PCBP3: variants seen among roughly 807,000 people sequenced by gnomAD.
The protein encoded by PCBP3 is poly(rC)-binding protein 3.
PCBP3 carries 25 observed loss-of-function variants against 52.7 expected under a neutral mutation model. The ratio of observed to expected loss-of-function variants is 0.47; its 90% CI spans 0.35 to 0.66. The LOEUF (loss-of-function observed/expected upper bound fraction) is 0.66. Among genes scored for constraint, PCBP3 ranks in the 30% least tolerant of loss-of-function variants. The pLI is 0.01. For synonymous variants in PCBP3, 162 were observed against 183.0 expected, an observed-to-expected ratio of 0.89 and a Z score of 0.93; for missense variants, 391 against 490.3, an observed-to-expected ratio of 0.80 and a Z score of 1.91.
At chr21:45,685,462 A>G (rs1168831800) in intron 2 of PCBP3, among the ~76,000 whole-genome samples, 1 of 152,014 alleles carries the variant, frequency 6.6e-6, no homozygotes, top group Non-Finnish European at 1.5e-5. Flanking sequence ...AAGGAAGGAG[A>G]CCTTTGCCTC....
chr21:45,747,346 G>A (rs2086994598), intron 3 of PCBP3, among the ~76,000 whole-genome samples: 1 of 152,200 alleles, frequency 6.6e-6, no homozygotes, highest in Non-Finnish European at 1.5e-5. Flanking sequence ...AATGAGATTT[G>A]GGTGCAGACA....
At chr21:45,665,888 C>T (rs557054949) in intron 1 of PCBP3, among the ~76,000 whole-genome samples, 6 of 152,174 alleles carry the variant, frequency 3.9e-5, no homozygotes, top group African/African-American at 1.2e-4. Context: ...TACTAGCAAT[C>T]GAAATCCAAC....
chr21:45,865,446 G>T (rs542153496), intron 5 of PCBP3, among the ~76,000 whole-genome samples: 98 of 152,372 alleles, frequency 6.4e-4, no homozygotes, highest in African/African-American at 2.2e-3. Flanking sequence ...AGATATCGCT[G>T]TTCCTGCAGA....
chr21:45,941,776 T>C lies in PCBP3; in HGVS notation c.*70T>C. ...TAAGGCCCCCGGCTCTCGCACTCTG[T>C]ACAGCCCACCTTCCCTGCCTCACAG... On this transcript the variant is annotated 3_prime_UTR_variant, in exon 18 of 18. Transcript: ENST00000681687. The C allele has an allele frequency of 8.0e-7, 1 of 1,254,712 alleles. No individual in the cohort carries two copies. 77.7% of individuals were successfully genotyped at this position (1,254,712 alleles called of 1,614,324 possible). A position where few individuals can be genotyped will look rare whatever the true frequency, so the allele number is the denominator to read the frequency against.
In PCBP3 at chr21:45,736,627, T is replaced by G. The variant is rs1207185263; in HGVS notation, c.-162+1198T>G. On this transcript the variant is annotated intron_variant, in intron 3 of 17. Coordinates refer to ENST00000681687, the MANE Select transcript of PCBP3 (RefSeq NM_001384156.1). This position sits in a 1 kb window ranked among gnomAD's most constrained non-coding sequence, Gnocchi z 4.6. Reference sequence around the variant, plus strand: ...CTCTCGGAGAGATGGCATGGAGGGGTTGGGGCCTGTGCTCCTAGGTGCTTA... The same window carrying G: ...CTCTCGGAGAGATGGCATGGAGGGGGTGGGGCCTGTGCTCCTAGGTGCTTA... Among the ~76,000 whole-genome samples the G allele has an allele frequency of 1.3e-5, 2 of 151,348 alleles. No individual in the cohort carries two copies. Among genetic ancestry groups the G allele is most frequent in the African/African-American group, 4.9e-5 (2 of 41,090 alleles).
chr21:45,867,139 G>T (rs2094767439), intron 5 of PCBP3, among the ~76,000 whole-genome samples: 1 of 152,222 alleles, frequency 6.6e-6, no homozygotes, highest in African/African-American at 2.4e-5. Context: ...GTGTGTGGCT[G>T]TTTAACGTGG....
At position 45,917,775 on chromosome 21, in the gene PCBP3, A is replaced by G; in HGVS notation, c.717+146A>G. ...CGTTCCTGACCTGTGTCGTATCCATATGACCTCGAATAACCTTTTAACCTC... is the reference window on the plus strand; with the variant it reads ...CGTTCCTGACCTGTGTCGTATCCATGTGACCTCGAATAACCTTTTAACCTC... On this transcript the variant is annotated intron_variant, in intron 13 of 17. Transcript: ENST00000681687. This position sits in a 1 kb window ranked among gnomAD's most constrained non-coding sequence, Gnocchi z 5.3. 2 of 736,274 alleles carry G rather than the reference A, an allele frequency of 2.7e-6. No homozygotes were observed. The highest frequency in any genetic ancestry group is 2.6e-5 in the East Asian group (1 of 38,258). 45.6% of individuals were successfully genotyped at this position (736,274 alleles called of 1,614,324 possible).
intron 4 of PCBP3, among the ~76,000 whole-genome samples, chr21:45,824,421 A>G (rs1018190772): frequency 1.4e-4 from 21 of 152,254 alleles, no homozygotes; most frequent in Admixed American, 2.0e-4. Flanking sequence ...TAGAAGCCAC[A>G]TCCCAGAATT....
chr21:45,908,587 C>G (rs1226887072), intron 9 of PCBP3, among the ~76,000 whole-genome samples: 1 of 152,156 alleles, frequency 6.6e-6, no homozygotes, highest in Admixed American at 6.5e-5. Context: ...GCTGCCCTGT[C>G]ACTGCCTCTG....
At chr21:45,893,933 C>G (rs996986438) in intron 5 of PCBP3, 5 of 985,384 alleles carry the variant, frequency 5.1e-6, no homozygotes, top group Non-Finnish European at 6.0e-6. Flanking sequence ...GGACACTGGG[C>G]AGATGGCCAG....
At chr21:45,808,920 T>G (rs2092596674) in intron 4 of PCBP3, among the ~76,000 whole-genome samples, 1 of 152,164 alleles carries the variant, frequency 6.6e-6, no homozygotes, top group Non-Finnish European at 1.5e-5. Context: ...ATCATCATTC[T>G]CAGCAAACTA....
chr21:45,730,665 A>G (rs550706739), intron 2 of PCBP3, among the ~76,000 whole-genome samples: 1 of 152,244 alleles, frequency 6.6e-6, no homozygotes, highest in East Asian at 1.9e-4. Flanking sequence ...TTGTGGATTT[A>G]TCTATTTGGT....
chr21:45,661,412 A>G (rs1281123250), intron 1 of PCBP3, among the ~76,000 whole-genome samples: 4 of 152,048 alleles, frequency 2.6e-5, no homozygotes, highest in African/African-American at 9.7e-5. Context: ...AATATATGGT[A>G]TTTGACTTTC....
intron 2 of PCBP3, among the ~76,000 whole-genome samples, chr21:45,719,416 G>T (rs1265808988): frequency 1.3e-5 from 2 of 152,142 alleles, no homozygotes; most frequent in African/African-American, 4.8e-5. Context: ...GGTTTTTAGT[G>T]TGTCTTCTCC....
In PCBP3 at chr21:45,901,080, G is replaced by A; in HGVS notation, c.306G>A (p.Lys102=). ...CAGGCCCCACAGACGCCATCTTCAAGGCCTTTGCCATGATCGCATACAAGT... is the reference window on the plus strand; with the variant it reads ...CAGGCCCCACAGACGCCATCTTCAAAGCCTTTGCCATGATCGCATACAAGT... ...TITGPTDAIF[K]AFAMIAYKFE... Residue 102 remains lysine (K), a synonymous_variant, in exon 9 of 18, where the codon AAG becomes AAA. Transcript: ENST00000681687. 1 of 1,613,916 alleles carries A rather than the reference G, an allele frequency of 6.2e-7. No individual in the cohort carries two copies. Among genetic ancestry groups the A allele is most frequent in the Non-Finnish European group, 8.5e-7 (1 of 1,179,808 alleles).
At chr21:45,893,837 G>A (rs1171288427) in intron 5 of PCBP3, 8 of 985,418 alleles carry the variant, frequency 8.1e-6, no homozygotes, top group East Asian at 1.1e-4. Context: ...AGTCCCATGG[G>A]GCCTTGGATG....
rs557681114 is a variant in PCBP3, at chr21:45,774,927, G to T, written c.-126+19475G>T. 2.0e-3 allele frequency among the ~76,000 whole-genome samples: 304 copies of T among 152,252 alleles called. 2 individuals carry two copies. The highest frequency in any genetic ancestry group is 7.9e-3 in the South Asian group (38 of 4,814). ...GGATTTGGTTTGCTAACATTTTGTT[G>T]AGCATTATTGTGTCTGTGTTCATCA... On this transcript the variant is annotated intron_variant, in intron 4 of 17. Transcript: ENST00000681687.
intron 2 of PCBP3, among the ~76,000 whole-genome samples, chr21:45,680,346 A>G (rs1033864048): frequency 1.8e-4 from 28 of 152,188 alleles, no homozygotes; most frequent in Admixed American, 2.6e-4. Flanking sequence ...GTTCTTATCC[A>G]TGAACTTAGT....
At chr21:45,935,232 A>G in intron 15 of PCBP3, 21 bp from the exon 16 acceptor site, 1 of 1,596,502 alleles carries the variant, frequency 6.3e-7, no homozygotes, top group Non-Finnish European at 8.6e-7. Context: ...CAGCCTAACC[A>G]TGTCCCCTTG....
Sources: gnomAD v4.1 joint callset for allele counts (sites outside exome capture counted in the v4.1 genomes callset) on GRCh38, gnomAD v4.1.1 for gene constraint, Gnocchi (gnomAD v3.1) non-coding constraint, MANE v1.5 for transcripts, NCBI Gene and HGNC (gene_info 2026-07-23, HGNC 2026-07-21) for gene names.